LRRK2: variants seen among roughly 807,000 people sequenced by gnomAD.
LRRK2 encodes the protein leucine rich repeat kinase 2.
In LRRK2, 203 loss-of-function variants were observed where a neutral mutation model predicts 302.6. That is an observed-to-expected ratio of 0.67 (90% confidence interval 0.60 to 0.75). LRRK2 has a LOEUF of 0.75. LRRK2 is among the 30% of genes least tolerant of loss of function. The pLI, the probability that LRRK2 is intolerant of heterozygous loss-of-function variation, is 0.00. For synonymous variants in LRRK2, 1,066 were observed against 1,031.9 expected (o/e 1.03, Z -0.63); for missense variants, 2,830 against 2,951.0 (o/e 0.96, Z 0.95).
intron 24 of LRRK2, 23 bp from the exon 25 acceptor site, chr12:40,299,086 A>G (rs1944521548): frequency 6.2e-7 from 1 of 1,609,694 alleles, no homozygotes; most frequent in Admixed American, 1.7e-5. Flanking sequence ...CAATTTAATC[A>G]TTATCTTGTC....
At chr12:40,236,564 G>A (rs189610775) in intron 4 of LRRK2, among the ~76,000 whole-genome samples, 1 of 152,300 alleles carries the variant, frequency 6.6e-6, no homozygotes, top group Admixed American at 6.5e-5. Context: ...TTGAAGGGCT[G>A]GGAGGAGTTT....
chr12:40,253,753 A>G (rs1942382324), intron 11 of LRRK2, among the ~76,000 whole-genome samples: 1 of 152,216 alleles, frequency 6.6e-6, no homozygotes, highest in East Asian at 1.9e-4. Context: ...TTTCTTACTG[A>G]TGAAGTTTTA....
intron 49 of LRRK2, chr12:40,365,614 G>T (rs375901760): frequency 6.6e-6 from 1 of 150,852 alleles, no homozygotes; most frequent in Admixed American, 6.6e-5. Flanking sequence ...ATATATTTGC[G>T]TCTTCCTTTG....
intron 33 of LRRK2, 27 bp downstream of exon 33, chr12:40,315,327 G>A (rs1479257478): frequency 8.3e-6 from 13 of 1,557,498 alleles, no homozygotes; most frequent in East Asian, 6.7e-5. Context: ...TTTGTGGCAC[G>A]GGGGTTATGG....
intron 18 of LRRK2, among the ~76,000 whole-genome samples, chr12:40,279,964 T>C (rs1943617132): frequency 6.6e-6 from 1 of 152,098 alleles, no homozygotes; most frequent in Non-Finnish European, 1.5e-5. Context: ...TACCAAGAGG[T>C]TACATATTGA....
intron 39 of LRRK2, 69 bp downstream of exon 39, chr12:40,328,529 T>C: frequency 8.1e-7 from 1 of 1,236,236 alleles, no homozygotes; most frequent in Non-Finnish European, 1.2e-6. Flanking sequence ...TTATTTTGCA[T>C]ACAGTTGTGA....
At position 40,368,840 on chromosome 12, in the gene LRRK2, ATTGTTT is replaced by A. The variant is rs1670172827; in HGVS notation, c.*1076_*1081del. The A allele has an allele frequency of 6.6e-6, 1 of 151,838 alleles. No individual in the cohort carries two copies. Among genetic ancestry groups the A allele is most frequent in the African/African-American group, 2.4e-5 (1 of 41,366 alleles). The allele number at this position is 151,838 out of a possible 1,614,324, so 9.4% of individuals were successfully genotyped here. A position where few individuals can be genotyped will look rare whatever the true frequency, so the allele number is the denominator to read the frequency against. ...CCCTAGGCTTCCAAATTATACTTAA[ATTGTTT>A]ACATAGCTTACCACAATAGGAGTAT... On this transcript the variant is annotated 3_prime_UTR_variant, in exon 51 of 51. Transcript: ENST00000298910.
intron 40 of LRRK2, among the ~76,000 whole-genome samples, chr12:40,336,192 A>G (rs1945864418): frequency 6.6e-6 from 1 of 152,156 alleles, no homozygotes; most frequent in South Asian, 2.1e-4. Context: ...TGCAGATACC[A>G]GAGGCTTTAT....
At chr12:40,292,695 A>C (rs892383188) in intron 20 of LRRK2, among the ~76,000 whole-genome samples, 1 of 151,906 alleles carries the variant, frequency 6.6e-6, no homozygotes, top group Non-Finnish European at 1.5e-5. Context: ...GGATATACAG[A>C]TTTTATAATT....
chr12:40,259,717 A>G, intron 13 of LRRK2, 113 bp downstream of exon 13: 1 of 1,361,322 alleles, frequency 7.3e-7, no homozygotes, highest in Non-Finnish European at 1.0e-6. Context: ...TGTCGACTAA[A>G]TGTAAATCTT....
In LRRK2 at chr12:40,243,570, A is replaced by G. The variant is rs775681550; in HGVS notation, c.727A>G (p.Met243Val). Reference protein sequence around the residue: ...AIPCNNVEVLMSGNVRCYNIV... With the variant: ...AIPCNNVEVLVSGNVRCYNIV... ...TTCAGGCAATAATGTGGAAGTCCTC[A>G]TGAGTGGCAATGTCAGGTGTTATAA... Residue 243 changes from methionine to valine, a missense_variant, in exon 7 of 51, where the codon ATG (methionine) becomes GTG (valine). Met to Val is a conservative substitution (Grantham distance 21, BLOSUM62 1). Coordinates refer to ENST00000298910, the MANE Select transcript of LRRK2 (RefSeq NM_198578.4). 4 of 1,611,800 alleles carry G rather than the reference A, an allele frequency of 2.5e-6. No homozygotes were observed. Among genetic ancestry groups the G allele is most frequent in the South Asian group, 2.2e-5 (2 of 91,044 alleles).
intron 40 of LRRK2, 116 bp downstream of exon 40, chr12:40,335,273 T>C (rs1945833954): frequency 8.6e-7 from 1 of 1,158,366 alleles, no homozygotes. Flanking sequence ...TTATAAACAA[T>C]TTGGATGAAA....
Position 40,259,393 on chromosome 12 carries a change from C to G in LRRK2, c.1419-87C>G, listed in dbSNP as rs1942669961. The G allele has an allele frequency of 4.0e-6, 6 of 1,515,836 alleles. No individual in the cohort carries two copies. The Admixed American group carries it at 6.7e-5, about 17-fold the overall frequency. 93.9% of individuals were successfully genotyped at this position (1,515,836 alleles called of 1,614,324 possible). On this transcript the variant is annotated intron_variant, in intron 12 of 50. Coordinates refer to ENST00000298910, the MANE Select transcript of LRRK2 (RefSeq NM_198578.4). ...TCTTTCCTGATAAAATATATTGGTTCTGCCCTCCTGTACTTATTTCAATTT... is the reference window on the plus strand; with the variant it reads ...TCTTTCCTGATAAAATATATTGGTTGTGCCCTCCTGTACTTATTTCAATTT...
intron 32 of LRRK2, 36 bp from the exon 33 acceptor site, chr12:40,315,176 T>C: frequency 6.6e-7 from 1 of 1,523,132 alleles, no homozygotes. Flanking sequence ...TTGTTCTAGA[T>C]TCCATGTTTC....
intron 2 of LRRK2, among the ~76,000 whole-genome samples, chr12:40,230,376 T>C (rs965956370): frequency 1.3e-5 from 2 of 152,186 alleles, no homozygotes; most frequent in African/African-American, 4.8e-5. Flanking sequence ...ATTTCTCACC[T>C]TGTCATTCAA....
At chr12:40,298,803 T>C (rs1034582671) in intron 24 of LRRK2, among the ~76,000 whole-genome samples, 1 of 74,824 alleles carries the variant, frequency 1.3e-5, no homozygotes, top group Non-Finnish European at 2.7e-5. Flanking sequence ...ATATATAATA[T>C]ATGTATTATA....
chr12:40,353,482 G>A (rs183683761), intron 44 of LRRK2, among the ~76,000 whole-genome samples: 1,771 of 139,730 alleles, frequency 0.013, 38 homozygotes, highest in African/African-American at 0.044. Flanking sequence ...GGGAAGAGGC[G>A]CTCCTCATTT....
rs758295804 is a variant in LRRK2, at chr12:40,251,510, A to C, written c.1147A>C (p.Ser383Arg). 6 of 1,612,706 alleles carry C rather than the reference A, an allele frequency of 3.7e-6. No individual in the cohort carries two copies. The highest frequency in any genetic ancestry group is 5.1e-6 in the Non-Finnish European group (6 of 1,179,244). ...ALNNLLMYQN[S>R]LHEKIGDEDG... ...AAATAATCTCCTTATGTACCAAAAC[A>C]GTTTACATGAGAAGATTGGAGATGA... Residue 383 changes from serine to arginine, a missense_variant, in exon 10 of 51, where the codon AGT becomes CGT. Physicochemically the swap from Ser to Arg is moderately radical, Grantham distance 110. Around this residue, in one of 3 missense-constraint regions of LRRK2, gnomAD observed 2,121 missense variants for 2,148.0 expected, o/e 0.99. Transcript: ENST00000298910.
intron 29 of LRRK2, 48 bp downstream of exon 29, chr12:40,308,744 G>T (rs1944923197): frequency 1.3e-6 from 2 of 1,547,406 alleles, no homozygotes; most frequent in South Asian, 2.3e-5. Flanking sequence ...CATTTGTTTG[G>T]AACAGGGATT....
Sources: gnomAD v4.1 joint callset for allele counts (sites outside exome capture counted in the v4.1 genomes callset) on GRCh38, gnomAD v4.1.1 for gene constraint, gnomAD v4.1.1 regional missense constraint, MANE v1.5 for transcripts, NCBI Gene and HGNC (gene_info 2026-07-23, HGNC 2026-07-21) for gene names.